The following EFR3A variants were observed in gnomAD, a reference collection of about 807,000 sequenced individuals.
EFR3A encodes EFR3 homolog A, also known as protein EFR3 homolog A.
A neutral mutation model predicts 104.4 loss-of-function variants in EFR3A; 76 were observed. The observed-to-expected ratio is 0.73, with a 90% CI of 0.60 to 0.88. The LOEUF (loss-of-function observed/expected upper bound fraction) is 0.88, where lower values mean the gene tolerates loss of function less well. EFR3A is among the 40% of genes least tolerant of loss of function. The pLI, the probability that EFR3A is intolerant of heterozygous loss-of-function variation, is 0.00. For missense variants in EFR3A, 985 were observed against 1,012.5 expected (o/e 0.97, Z 0.37); for synonymous variants, 330 against 330.0 (o/e 1.00, Z 0.00).
intron 22 of EFR3A, among the ~76,000 whole-genome samples, chr8:132,008,249 AGT>A (rs959984893): frequency 6.6e-6 from 1 of 152,102 alleles, no homozygotes; most frequent in Non-Finnish European, 1.5e-5. Flanking sequence ...CCAAGACAGT[AGT>A]TGTTTTACAA....
At chr8:131,917,338 G>A (rs1027209206) in intron 1 of EFR3A, among the ~76,000 whole-genome samples, 6 of 152,096 alleles carry the variant, frequency 3.9e-5, no homozygotes, top group Non-Finnish European at 5.9e-5. Flanking sequence ...TTGGTTTCTC[G>A]GCATCTACTT....
chr8:131,932,967 C>T (rs1044357211), intron 1 of EFR3A, among the ~76,000 whole-genome samples: 4 of 152,088 alleles, frequency 2.6e-5, no homozygotes, highest in African/African-American at 9.7e-5. Flanking sequence ...ATAATTACTA[C>T]ACTCCTCTAA....
At chr8:132,010,114 A>G (rs1279767237) in intron 22 of EFR3A, among the ~76,000 whole-genome samples, 1 of 151,888 alleles carries the variant, frequency 6.6e-6, no homozygotes, top group African/African-American at 2.4e-5. Flanking sequence ...TACCTCTCAG[A>G]TTGGCAAAGC....
In EFR3A at chr8:131,978,794, T is replaced by C. The variant is rs1586641343; in HGVS notation, c.1327-53T>C. ...TTCTTATAAAAGAATATGAGAATTT[T>C]ACAAAAAAAGGACTCATGACAAAAG... On this transcript the variant is annotated intron_variant, in intron 12 of 22. Coordinates refer to ENST00000254624, the MANE Select transcript of EFR3A (RefSeq NM_015137.6). 4 of 1,331,244 alleles carry C rather than the reference T, an allele frequency of 3.0e-6. No homozygotes were observed. The East Asian group carries it at 1.1e-4, about 35-fold the overall frequency. 82.5% of individuals were successfully genotyped at this position (1,331,244 alleles called of 1,614,324 possible).
intron 3 of EFR3A, among the ~76,000 whole-genome samples, chr8:131,945,121 A>AT (rs755336530): frequency 1.1e-4 from 17 of 151,898 alleles, no homozygotes; most frequent in Non-Finnish European, 2.4e-4. Context: ...GTGTCTATTG[A>AT]TTTTTGAGTC....
Position 132,012,742 on chromosome 8 carries a change from AAAAT to A in EFR3A, c.*1849_*1852del, listed in dbSNP as rs1436293357. On this transcript the variant is annotated 3_prime_UTR_variant, in exon 23 of 23. Coordinates refer to ENST00000254624, the MANE Select transcript of EFR3A (RefSeq NM_015137.6). ...TAACACTGTGTGCTTTTGTATGGAA[AAAAT>A]ATATATAATTTAATAGTATAAAAAA... The A allele has an allele frequency of 6.6e-6, 1 of 152,428 alleles. No homozygotes were observed. Among genetic ancestry groups the A allele is most frequent in the African/African-American group, 2.4e-5 (1 of 41,414 alleles). The allele number at this position is 152,428 out of a possible 1,614,324, so 9.4% of individuals were successfully genotyped here. A position where few individuals can be genotyped will look rare whatever the true frequency, so the allele number is the denominator to read the frequency against.
chr8:131,910,149 A>G (rs1816445069), intron 1 of EFR3A, among the ~76,000 whole-genome samples: 1 of 152,214 alleles, frequency 6.6e-6, no homozygotes, highest in Non-Finnish European at 1.5e-5. Flanking sequence ...TCCCAGAACT[A>G]TACTAGCCGA....
chr8:131,958,078 G>A (rs978618509), intron 7 of EFR3A, among the ~76,000 whole-genome samples: 1 of 152,138 alleles, frequency 6.6e-6, no homozygotes, highest in African/African-American at 2.4e-5. Context: ...ATGTTAGCAG[G>A]TTACTGTAAT....
At chr8:131,977,856 C>G (rs994626004) in intron 12 of EFR3A, among the ~76,000 whole-genome samples, 1 of 151,982 alleles carries the variant, frequency 6.6e-6, no homozygotes, top group Non-Finnish European at 1.5e-5. Flanking sequence ...ATGTTTTGCA[C>G]TTTTTCATTT....
At chr8:131,957,375 G>C (rs2130636372) in intron 7 of EFR3A, among the ~76,000 whole-genome samples, 1 of 132,532 alleles carries the variant, frequency 7.5e-6, no homozygotes, top group East Asian at 2.6e-4. Flanking sequence ...TTTTGAGACA[G>C]AGTTTGCTGT....
rs905195613 is a variant in EFR3A at position 132,013,222 on chromosome 8, C to T, written c.*2327C>T. ...TTTTGCTGTATAGAATTGCTTATAT[C>T]ACTCTTTCTTTCATGACATTGGTTA... On this transcript the variant is annotated 3_prime_UTR_variant, in exon 23 of 23. Transcript: ENST00000254624. The T allele has an allele frequency of 1.3e-5, 2 of 152,370 alleles. No homozygotes were observed. The highest frequency in any genetic ancestry group is 4.8e-5 in the African/African-American group (2 of 41,392). 9.4% of individuals were successfully genotyped at this position (152,370 alleles called of 1,614,324 possible).
At chr8:131,937,779 C>CTT (rs78277313) in intron 1 of EFR3A, among the ~76,000 whole-genome samples, 10 of 137,780 alleles carry the variant, frequency 7.3e-5, no homozygotes, top group Admixed American at 1.4e-4. Flanking sequence ...TCATCCCCCT[C>CTT]TTTTTTTTTT....
intron 1 of EFR3A, among the ~76,000 whole-genome samples, chr8:131,913,151 ATGAT>A (rs1415214938): frequency 4.3e-5 from 6 of 140,230 alleles, no homozygotes; most frequent in African/African-American, 1.6e-4. Context: ...TTTTTTTTGA[ATGAT>A]CTTGTGTTGT....
Position 131,970,534 on chromosome 8 carries a change from A to C in EFR3A, c.1050A>C (p.Glu350Asp), listed in dbSNP as rs1289866184. 6.2e-7 allele frequency: 1 copy of C among 1,613,934 alleles called. No homozygotes were observed. The highest frequency in any genetic ancestry group is 8.5e-7 in the Non-Finnish European group (1 of 1,179,836). ...TLLKHLRLSVEFEANDLQGGS... is the reference protein window; with the variant it reads ...TLLKHLRLSVDFEANDLQGGS... ...TGAAACATCTGCGTCTCAGCGTTGAATTCGAAGCAAATGATTTACAGGGGG... is the reference window on the plus strand; with the variant it reads ...TGAAACATCTGCGTCTCAGCGTTGACTTCGAAGCAAATGATTTACAGGGGG... Residue 350 changes from glutamate to aspartate, a missense_variant, in exon 10 of 23, where the codon GAA becomes GAC. Physicochemically the swap from Glu to Asp is conservative, Grantham distance 45. Coordinates refer to ENST00000254624, the MANE Select transcript of EFR3A (RefSeq NM_015137.6).
intron 2 of EFR3A, among the ~76,000 whole-genome samples, chr8:131,942,264 A>C (rs576773459): frequency 6.6e-6 from 1 of 152,136 alleles, no homozygotes; most frequent in Non-Finnish European, 1.5e-5. Context: ...GAAAAGATCT[A>C]CATGAACCTT....
chr8:131,996,381 T>C, intron 18 of EFR3A, 25 bp from the exon 19 acceptor site: 1 of 1,397,298 alleles, frequency 7.2e-7, no homozygotes, highest in Middle Eastern at 2.0e-4. Context: ...TAGCAAATAA[T>C]GGGAAGAAAA....
intron 1 of EFR3A, among the ~76,000 whole-genome samples, chr8:131,933,743 A>G (rs1817735319): frequency 6.6e-6 from 1 of 152,042 alleles, no homozygotes; most frequent in South Asian, 2.1e-4. Context: ...AAAAATTGTA[A>G]TAGTGGGAAA....
intron 1 of EFR3A, among the ~76,000 whole-genome samples, chr8:131,917,977 T>C (rs945101431): frequency 2.0e-5 from 3 of 152,126 alleles, no homozygotes; most frequent in African/African-American, 7.2e-5. Flanking sequence ...GTGACCACAG[T>C]GTGTGTTTGT....
chr8:131,941,474 C>T (rs1818168470), intron 2 of EFR3A, among the ~76,000 whole-genome samples: 1 of 152,030 alleles, frequency 6.6e-6, no homozygotes, highest in Non-Finnish European at 1.5e-5. Context: ...TCTGTTTAAA[C>T]ATTCAGTTAT....
Sources: allele counts gnomAD v4.1 joint callset (sites outside exome capture counted in the v4.1 genomes callset), GRCh38; gene constraint gnomAD v4.1.1; transcripts MANE v1.5; gene names NCBI Gene and HGNC (gene_info 2026-07-23, HGNC 2026-07-21).